Variants in POLI observed in about 807,000 individuals in gnomAD.
POLI encodes DNA polymerase iota.
POLI carries 58 observed loss-of-function variants against 51.6 expected under a neutral mutation model. The observed-to-expected ratio is 1.12, with a 90% confidence interval of 0.91 to 1.40. The LOEUF is 1.40. POLI is among the 40% of genes most tolerant of loss of function. POLI has a pLI of 0.00. For missense variants in POLI, 921 were observed against 871.3 expected (o/e 1.06, Z -0.72); for synonymous variants, 322 against 299.7 (o/e 1.07, Z -0.77).
At chr18:54,279,545 T>C in intron 4 of POLI, among the ~76,000 whole-genome samples, 1 of 152,094 alleles carries the variant, frequency 6.6e-6, no homozygotes, top group Non-Finnish European at 1.5e-5. Context: ...TCCTGGCCCA[T>C]TATGTCCTTT....
Position 54,295,020 on chromosome 18 carries a change from A to G in POLI, c.*553A>G. 1.0e-6 allele frequency: 1 copy of G among 985,392 alleles called. No homozygotes were observed. The highest frequency in any genetic ancestry group is 1.2e-6 in the Non-Finnish European group (1 of 829,880). The allele number at this position is 985,392 out of a possible 1,614,324, so 61.0% of individuals were successfully genotyped here. A position where few individuals can be genotyped will look rare whatever the true frequency, so the allele number is the denominator to read the frequency against. On this transcript the variant is annotated 3_prime_UTR_variant, in exon 10 of 10. Transcript: ENST00000579534. ...TCTTCATACACCAAGAATCTACCAC[A>G]ATACACAGCACACAAAGGCCGTTCA...
chr18:54,296,794 T>G lies in POLI; in HGVS notation c.*2327T>G. ...TAATTTCAATAAATATATTTTTCATTTGATTCTTTTTAACTTCCCGTTTAC... is the reference window on the plus strand; with the variant it reads ...TAATTTCAATAAATATATTTTTCATGTGATTCTTTTTAACTTCCCGTTTAC... On this transcript the variant is annotated 3_prime_UTR_variant, in exon 10 of 10. Coordinates refer to ENST00000579534, the MANE Select transcript of POLI (RefSeq NM_007195.3). 1.2e-5 allele frequency: 6 copies of G among 489,716 alleles called. No individual in the cohort carries two copies. The highest frequency in any genetic ancestry group is 9.3e-5 in the South Asian group (1 of 10,766). The allele number at this position is 489,716 out of a possible 1,614,324, so 30.3% of individuals were successfully genotyped here. A position where few individuals can be genotyped will look rare whatever the true frequency, so the allele number is the denominator to read the frequency against.
At chr18:54,309,919 C>T (rs187168572) in intron 3 of POLI, among the ~76,000 whole-genome samples, 13 of 152,286 alleles carry the variant, frequency 8.5e-5, no homozygotes, top group Admixed American at 2.0e-4. Context: ...TCTCCTGGTG[C>T]GCCGTTTGCT....
At chr18:54,299,376 A>G (rs1331121105), downstream of POLI, among the ~76,000 whole-genome samples, 1 of 152,200 alleles carries the variant, frequency 6.6e-6, no homozygotes, top group Non-Finnish European at 1.5e-5. Context: ...TGGAGGTTGC[A>G]GTGAACCAAG....
At chr18:54,302,648 TA>T (rs1463505778), downstream of POLI, among the ~76,000 whole-genome samples, 2 of 152,204 alleles carry the variant, frequency 1.3e-5, no homozygotes, top group African/African-American at 4.8e-5. Flanking sequence ...TTTAGTCATT[TA>T]AAAATATACA....
intron 8 of POLI, chr18:54,287,719 G>C: frequency 5.0e-6 from 1 of 200,738 alleles, no homozygotes; most frequent in Non-Finnish European, 1.0e-5. Context: ...AGCTGGGACA[G>C]TAGGTGCATG....
chr18:54,306,771 A>G (rs2088593126), intron 3 of POLI, among the ~76,000 whole-genome samples: 1 of 152,184 alleles, frequency 6.6e-6, no homozygotes, highest in South Asian at 2.1e-4. Context: ...TGGTCTATTC[A>G]GCAATTCAAC....
Position 54,294,836 on chromosome 18 carries a change from T to C in POLI, c.*369T>C. On this transcript the variant is annotated 3_prime_UTR_variant, in exon 10 of 10. Transcript: ENST00000579534. ...ACACATTTTTTTTTTTTTTTTCCTGTGAAATGTGGAATATCTCAAATTCAG... is the reference window on the plus strand; with the variant it reads ...ACACATTTTTTTTTTTTTTTTCCTGCGAAATGTGGAATATCTCAAATTCAG... The C allele has an allele frequency of 1.0e-6, 1 of 981,248 alleles. No individual in the cohort carries two copies. Among genetic ancestry groups the C allele is most frequent in the Non-Finnish European group, 1.2e-6 (1 of 826,680 alleles). The allele number at this position is 981,248 out of a possible 1,614,324, so 60.8% of individuals were successfully genotyped here. A position where few individuals can be genotyped will look rare whatever the true frequency, so the allele number is the denominator to read the frequency against.
chr18:54,280,332 C>T (rs962157096), intron 4 of POLI, among the ~76,000 whole-genome samples: 13 of 152,108 alleles, frequency 8.5e-5, no homozygotes, highest in African/African-American at 3.1e-4. Flanking sequence ...GAAGCAAGGG[C>T]TGGGGGAGGT....
rs1368935418 is a variant in POLI at position 54,294,468 on chromosome 18, G to A, written c.*1G>A. On this transcript the variant is annotated 3_prime_UTR_variant, in exon 10 of 10. Transcript: ENST00000579534. ...AGATTTCCACATTGGACATAAATAA[G>A]CATATTCAGCAAAAAGGTCTGAAAA... The A allele has an allele frequency of 1.9e-6, 3 of 1,573,812 alleles. No individual in the cohort carries two copies. The highest frequency in any genetic ancestry group is 3.9e-5 in the Admixed American group (2 of 51,402).
intron 9 of POLI, among the ~76,000 whole-genome samples, chr18:54,292,281 A>G (rs1046041134): frequency 4.6e-5 from 7 of 152,248 alleles, no homozygotes; most frequent in African/African-American, 1.4e-4. Flanking sequence ...GAGGTTCTCT[A>G]TTTTGGAATT....
At chr18:54,300,004 A>G (rs1302797729), downstream of POLI, among the ~76,000 whole-genome samples, 2 of 152,140 alleles carry the variant, frequency 1.3e-5, no homozygotes, top group African/African-American at 4.8e-5. Flanking sequence ...TATCTTAAAA[A>G]AAAAAGGAAA....
At chr18:54,321,174 C>T (rs530766959) in exon 5 of POLI, 1 of 152,340 alleles carries the variant, frequency 6.6e-6, no homozygotes, top group Non-Finnish European at 1.5e-5. Context: ...TCCCCCACCT[C>T]CCTAACCCCA....
intron 3 of POLI, among the ~76,000 whole-genome samples, chr18:54,304,291 G>T (rs2088542414): frequency 6.6e-6 from 1 of 152,140 alleles, no homozygotes; most frequent in South Asian, 2.1e-4. Context: ...TGGGATTGCT[G>T]GGTCAAATGG....
chr18:54,270,285 C>G (rs927382976), intron 1 of POLI: 10 of 153,046 alleles, frequency 6.5e-5, no homozygotes, highest in African/African-American at 2.4e-4. Flanking sequence ...CCAGCCTCTC[C>G]GTCCCGAGTA....
At chr18:54,306,280 A>G (rs886091391) in intron 3 of POLI, among the ~76,000 whole-genome samples, 6 of 152,294 alleles carry the variant, frequency 3.9e-5, no homozygotes, top group East Asian at 1.9e-4. Context: ...AGTTTTTTGC[A>G]TAAAGGGCTG....
chr18:54,269,890 C>A (rs1001770143), intron 1 of POLI: 12 of 1,259,662 alleles, frequency 9.5e-6, no homozygotes, highest in Non-Finnish European at 1.2e-5. Flanking sequence ...AAATACGTGT[C>A]GAGGGTTTAT....
rs748894889 is a variant in POLI, at chr18:54,294,286, T to C, written c.2042T>C (p.Val681Ala). The stretch of plus-strand genomic sequence containing the variant: ...ACTACAGATAGCCATAAGCAAACAG[T>C]AGCAACAGACTCTCATGAAGGACTT... ...NHTTDSHKQT[V>A]ATDSHEGLTE... The change falls in exon 10 of 10, where the codon GTA becomes GCA. Residue 681 changes from valine to alanine, a missense_variant. By Grantham distance (64) the Val-to-Ala change is moderately conservative. Transcript: ENST00000579534. 2 of 1,613,598 alleles carry C rather than the reference T, an allele frequency of 1.2e-6. No individual in the cohort carries two copies. Among genetic ancestry groups the C allele is most frequent in the Non-Finnish European group, 8.5e-7 (1 of 1,179,638 alleles).
intron 3 of POLI, among the ~76,000 whole-genome samples, chr18:54,308,679 C>G (rs1296041890): frequency 1.3e-5 from 2 of 152,174 alleles, no homozygotes; most frequent in Non-Finnish European, 1.5e-5. Context: ...AGAGTGTTTT[C>G]CAGCTGGGTT....
Sources: allele counts gnomAD v4.1 joint callset (sites outside exome capture counted in the v4.1 genomes callset), GRCh38; gene constraint gnomAD v4.1.1; transcripts MANE v1.5; gene names NCBI Gene and HGNC (gene_info 2026-07-23, HGNC 2026-07-21).